Variants in MCCC2 observed in about 807,000 individuals in gnomAD.
MCCC2 encodes the protein methylcrotonoyl-CoA carboxylase beta chain, mitochondrial.
In MCCC2, 52 loss-of-function variants were observed where a neutral mutation model predicts 77.2. The ratio of observed to expected loss-of-function variants is 0.67; its 90% CI spans 0.54 to 0.85. The LOEUF is 0.85. Among genes scored for constraint, MCCC2 ranks in the 40% least tolerant of loss-of-function variants. MCCC2 has a pLI of 0.00. For synonymous variants in MCCC2, 253 were observed against 248.4 expected (o/e 1.02, Z -0.18); for missense variants, 682 against 703.2 (o/e 0.97, Z 0.34).
intron 6 of MCCC2, among the ~76,000 whole-genome samples, chr5:71,608,619 A>G (rs1341220047): frequency 1.3e-5 from 2 of 152,080 alleles, no homozygotes; most frequent in African/African-American, 2.4e-5. Flanking sequence ...TCCTGTCATT[A>G]TGATGTTAGC....
Position 71,657,671 on chromosome 5 carries a change from C to T in MCCC2, c.*811C>T, listed in dbSNP as rs766422048. ...CAAACTACTGACCTCAAGTGATCCA[C>T]CCGCCTCGGCCTCCCAAAGTGCTGG... On this transcript the variant is annotated 3_prime_UTR_variant, in exon 17 of 17. Coordinates refer to ENST00000340941, the MANE Select transcript of MCCC2 (RefSeq NM_022132.5). 1.3e-5 allele frequency: 2 copies of T among 152,298 alleles called. No individual in the cohort carries two copies. The highest frequency in any genetic ancestry group is 6.5e-5 in the Admixed American group (1 of 15,274). 9.4% of individuals were successfully genotyped at this position (152,298 alleles called of 1,614,324 possible). A position where few individuals can be genotyped will look rare whatever the true frequency, so the allele number is the denominator to read the frequency against.
At position 71,602,491 on chromosome 5, in the gene MCCC2, A is replaced by G. The variant is rs759094320; in HGVS notation, c.384-15A>G. On this transcript the variant is annotated splice_polypyrimidine_tract_variant and intron_variant, in intron 4 of 16. Coordinates refer to ENST00000340941, the MANE Select transcript of MCCC2 (RefSeq NM_022132.5). ...TCTCTTAAATTCTCTCTCCAATGAA[A>G]TTTCTGCCTTTCAGAGTAGAATGCA... The G allele has an allele frequency of 6.2e-7, 1 of 1,614,114 alleles. No homozygotes were observed. The highest frequency in any genetic ancestry group is 1.7e-5 in the Admixed American group (1 of 60,018).
In MCCC2 at chr5:71,626,744, A is replaced by C. The variant is rs535377555; in HGVS notation, c.729A>C (p.Gly243=). 1 of 1,613,980 alleles carries C rather than the reference A, an allele frequency of 6.2e-7. No homozygotes were observed. Among genetic ancestry groups the C allele is most frequent in the Admixed American group, 1.7e-5 (1 of 60,000 alleles). Residue 243 remains glycine, a synonymous_variant, in exon 7 of 17, where the codon GGA becomes GGC. Coordinates refer to ENST00000340941, the MANE Select transcript of MCCC2 (RefSeq NM_022132.5). ...VRKQGTIFLA[G]PPLVKAATGE... is the part of the protein sequence containing the mutation. ...AGCAGGGTACCATTTTCTTGGCAGG[A>C]CCCCCCTTGGTAAGAACATAAGAAC... is the stretch of plus-strand genomic sequence containing the variant.
At chr5:71,587,607 T>G in intron 1 of MCCC2, 53 bp downstream of exon 1, 1 of 1,524,978 alleles carries the variant, frequency 6.6e-7, no homozygotes, top group Admixed American at 2.0e-5. Context: ...AGGAAGCAAG[T>G]GGAGGAGGGG....
intron 6 of MCCC2, among the ~76,000 whole-genome samples, chr5:71,610,550 T>C (rs979986312): frequency 2.0e-5 from 3 of 152,232 alleles, no homozygotes; most frequent in Non-Finnish European, 4.4e-5. Flanking sequence ...CGCTGAGAGC[T>C]GTAGACCGGA....
intron 7 of MCCC2, among the ~76,000 whole-genome samples, chr5:71,627,842 T>C (rs1000741315): frequency 2.6e-5 from 4 of 152,052 alleles, no homozygotes; most frequent in East Asian, 1.9e-4. Flanking sequence ...TTTTTAACTT[T>C]TTAATTTTTA....
chr5:71,602,657 A>T, intron 5 of MCCC2, 24 bp downstream of exon 5: 1 of 1,614,160 alleles, frequency 6.2e-7, no homozygotes, highest in Non-Finnish European at 8.5e-7. Flanking sequence ...GTGGTAAAAT[A>T]AACTATTATT....
chr5:71,625,459 G>C (rs1746503765), intron 6 of MCCC2, among the ~76,000 whole-genome samples: 1 of 152,190 alleles, frequency 6.6e-6, no homozygotes, highest in African/African-American at 2.4e-5. Flanking sequence ...CCACAGATTT[G>C]AAAAGAATGT....
chr5:71,588,957 G>T (rs2112257948), intron 1 of MCCC2, among the ~76,000 whole-genome samples: 1 of 152,258 alleles, frequency 6.6e-6, no homozygotes, highest in South Asian at 2.1e-4. Flanking sequence ...TATTTAAGTA[G>T]ATAAGTGGCA....
intron 6 of MCCC2, among the ~76,000 whole-genome samples, chr5:71,607,975 T>C (rs1335543060): frequency 7.1e-6 from 1 of 140,126 alleles, no homozygotes; most frequent in African/African-American, 2.7e-5. Context: ...TTACATTTGC[T>C]GAGGAGAGCT....
intron 6 of MCCC2, among the ~76,000 whole-genome samples, chr5:71,623,616 G>A (rs1746433006): frequency 6.6e-6 from 1 of 152,176 alleles, no homozygotes; most frequent in South Asian, 2.1e-4. Context: ...TCCATCACTT[G>A]CCATATTCTC....
At chr5:71,605,653 C>G (rs277923) in intron 6 of MCCC2, among the ~76,000 whole-genome samples, 5 of 150,690 alleles carry the variant, frequency 3.3e-5, no homozygotes, top group African/African-American at 7.3e-5. Flanking sequence ...AGTCCTTGCC[C>G]ATGCCTATGT....
chr5:71,625,536 T>G (rs137887275), intron 6 of MCCC2, among the ~76,000 whole-genome samples: 44 of 152,378 alleles, frequency 2.9e-4, no homozygotes, highest in African/African-American at 1.1e-3. Context: ...TTACATATTT[T>G]TGCTATTGTA....
chr5:71,632,002 C>G (rs1189283828), intron 7 of MCCC2, 119 bp from the exon 8 acceptor site: 1 of 893,482 alleles, frequency 1.1e-6, no homozygotes, highest in African/African-American at 1.6e-5. Context: ...GCACAGTGTT[C>G]TTTAGTTCTA....
intron 1 of MCCC2, 82 bp from the exon 2 acceptor site, chr5:71,592,844 T>G: frequency 2.6e-6 from 3 of 1,139,206 alleles, no homozygotes; most frequent in Non-Finnish European, 3.9e-6. Context: ...CACTGTTTTT[T>G]TTTTTTTTTT....
At chr5:71,633,131 A>ATATATATATATTTTTTTTTTTTTTTT (rs1554137344) in intron 8 of MCCC2, among the ~76,000 whole-genome samples, 1 of 78,096 alleles carries the variant, frequency 1.3e-5, no homozygotes, top group African/African-American at 5.1e-5. Flanking sequence ...ATATATATAT[A>ATATATATATATTTTTTTTTTTTTTTT]TTTTTATTTT....
intron 6 of MCCC2, among the ~76,000 whole-genome samples, chr5:71,613,979 T>C (rs960821073): frequency 6.0e-5 from 9 of 150,976 alleles, no homozygotes; most frequent in African/African-American, 2.2e-4. Flanking sequence ...ATTCATATTA[T>C]ATAGTTCATA....
chr5:71,621,941 G>T (rs1746362227), intron 6 of MCCC2, among the ~76,000 whole-genome samples: 1 of 152,180 alleles, frequency 6.6e-6, no homozygotes, highest in Admixed American at 6.5e-5. Flanking sequence ...TGAGGGGATA[G>T]ATACCCATTC....
In MCCC2 at chr5:71,594,294, C is replaced by T. The variant is rs536437889; in HGVS notation, c.196+1302C>T. On this transcript the variant is annotated intron_variant, in intron 2 of 16. Transcript: ENST00000340941. ...CTGTAATCCCAGCACTTTGGGAGGC[C>T]GAGGTGGGCGGATCACATGAAGTCA... Among the ~76,000 whole-genome samples the T allele has an allele frequency of 1.1e-4, 17 of 152,002 alleles. No homozygotes were observed. The East Asian group carries it at 1.9e-3, about 17-fold the overall frequency.
Sources: gnomAD v4.1 joint callset for allele counts (sites outside exome capture counted in the v4.1 genomes callset) on GRCh38, gnomAD v4.1.1 for gene constraint, MANE v1.5 for transcripts, NCBI Gene and HGNC (gene_info 2026-07-23, HGNC 2026-07-21) for gene names.